MCTS1: variants seen among roughly 807,000 people sequenced by gnomAD.
The protein encoded by MCTS1 is MCTS1 re-initiation and release factor, also known as malignant T-cell-amplified sequence 1.
For missense variants in MCTS1, 55 were observed against 128.6 expected, an observed-to-expected ratio of 0.43 and a Z score of 2.77; for synonymous variants, 26 against 40.8, an observed-to-expected ratio of 0.64 and a Z score of 1.38.
In MCTS1 at chrX:120,605,626, A is replaced by T. The variant is rs1282247783; in HGVS notation, c.164+67A>T. The T allele has an allele frequency of 1.2e-5, 12 of 1,017,135 alleles. No homozygotes were observed. The Admixed American group carries it at 3.8e-4, about 32-fold the overall frequency. 83.8% of individuals were successfully genotyped at this position (1,017,135 alleles called of 1,213,427 possible). ...AATATTTAATGATTAGATTGCACTC[A>T]TACTAAATGGAATTATTTTCAGATT... On this transcript the variant is annotated intron_variant, in intron 2 of 5. Transcript: ENST00000371317.
At chrX:120,612,088 T>C in intron 5 of MCTS1, 95 bp from the exon 6 acceptor site, 1 of 670,752 alleles carries the variant, frequency 1.5e-6, no homozygotes, top group Non-Finnish European at 2.3e-6. Context: ...GGCTTAATAA[T>C]TAAAAAATAA....
Position 120,613,332 on chromosome X carries a change from G to A in MCTS1, c.*1068G>A, listed in dbSNP as rs756520647. 9.0e-5 allele frequency among the ~76,000 whole-genome samples: 10 copies of A among 111,489 alleles called. No individual in the cohort carries two copies. Among genetic ancestry groups the A allele is most frequent in the Non-Finnish European group, 1.9e-4 (10 of 53,117 alleles). On this transcript the variant is annotated 3_prime_UTR_variant, in exon 6 of 6. Transcript: ENST00000371317. Reference sequence around the variant, plus strand: ...ATAGGCATGAGTCACCATGCCTGGCGTCATAACTACTTTAGTGTGTATCTT... The same window carrying A: ...ATAGGCATGAGTCACCATGCCTGGCATCATAACTACTTTAGTGTGTATCTT...
chrX:120,607,402 C>T (rs1288032530), intron 3 of MCTS1, among the ~76,000 whole-genome samples: 1 of 111,319 alleles, frequency 9.0e-6, no homozygotes, highest in African/African-American at 3.3e-5. Context: ...ATTGTACTCT[C>T]GAATACTAGA....
chrX:120,608,431 A>G, intron 4 of MCTS1, 73 bp downstream of exon 4: 1 of 1,020,536 alleles, frequency 9.8e-7, no homozygotes, highest in Non-Finnish European at 1.3e-6. Flanking sequence ...AAGGTGTACC[A>G]TCCAAGAGAA....
In MCTS1 at chrX:120,609,329, C is replaced by T. The variant is rs1450004700; in HGVS notation, c.396+971C>T. On this transcript the variant is annotated intron_variant, in intron 4 of 5. Coordinates refer to ENST00000371317, the MANE Select transcript of MCTS1 (RefSeq NM_014060.3). ...CCTCGAGTAGCTGAGGTTACAGGCA[C>T]CCACTACCACGCCCGGCTCATTTTT... Among the ~76,000 whole-genome samples the T allele has an allele frequency of 8.1e-5, 9 of 110,678 alleles. No homozygotes were observed. In the Admixed American group the frequency reaches 8.7e-4, roughly 11 times the overall value.
Position 120,611,089 on chromosome X carries a change from CT to C in MCTS1, c.464+14del. ...GTCTGCAGAAGACATGTAAGTCTTA[CT>C]TTAGGCCCCCTTAACTTTTGATATA... On this transcript the variant is annotated intron_variant, in intron 5 of 5. Transcript: ENST00000371317. 1 of 1,204,608 alleles carries C rather than the reference CT, an allele frequency of 8.3e-7. No homozygotes were observed. The highest frequency in any genetic ancestry group is 3.0e-5 in the East Asian group (1 of 33,815).
At position 120,617,180 on chromosome X, in the gene MCTS1, T is replaced by TTTGTTG. The variant is rs199750166; in HGVS notation, c.*4937_*4942dup. On this transcript the variant is annotated 3_prime_UTR_variant, in exon 6 of 6. Transcript: ENST00000371317. ...AAATTAAACTCATCCAACTCATACA[T>TTTGTTG]TTGTTGTTGTTGTTGTTGTTGTTGT... 4.5e-5 allele frequency among the ~76,000 whole-genome samples: 5 copies of TTTGTTG among 111,421 alleles called. No individual in the cohort carries two copies. The highest frequency in any genetic ancestry group is 7.4e-4 in the South Asian group (2 of 2,692).
rs748882089 is a variant in MCTS1, at chrX:120,617,254, C to T, written c.*4990C>T. ...TTGCCCAGGCTGGAGTGCAATGGCA[C>T]GATCTCGGCTCACTGCAACCTCTGT... On this transcript the variant is annotated 3_prime_UTR_variant, in exon 6 of 6. Transcript: ENST00000371317. Among the ~76,000 whole-genome samples, 3 of 112,128 alleles carry T rather than the reference C, an allele frequency of 2.7e-5. No individual in the cohort carries two copies. Among genetic ancestry groups the T allele is most frequent in the South Asian group, 3.7e-4 (1 of 2,696 alleles).
In MCTS1 at chrX:120,620,176, T is replaced by C. The variant is rs1048038918; in HGVS notation, c.*7912T>C. ...ACAAAAAATTAACCGGACGCAGTGG[T>C]GGGCGCCTGTAGTCCCAGCTACTCG... On this transcript the variant is annotated 3_prime_UTR_variant, in exon 6 of 6. Coordinates refer to ENST00000371317, the MANE Select transcript of MCTS1 (RefSeq NM_014060.3). 6.4e-5 allele frequency among the ~76,000 whole-genome samples: 7 copies of C among 109,577 alleles called. No individual in the cohort carries two copies. The highest frequency in any genetic ancestry group is 1.3e-4 in the African/African-American group (4 of 30,015).
Position 120,617,439 on chromosome X carries a change from G to A in MCTS1, c.*5175G>A, listed in dbSNP as rs1045535083. On this transcript the variant is annotated 3_prime_UTR_variant, in exon 6 of 6. Transcript: ENST00000371317. ...ACTCCTGACCTCAGGTGATGCACCC[G>A]CCTTGGCCTCCCAAAGTGCTGGGAT... Among the ~76,000 whole-genome samples the A allele has an allele frequency of 8.1e-5, 9 of 111,570 alleles. No homozygotes were observed. Among genetic ancestry groups the A allele is most frequent in the African/African-American group, 2.3e-4 (7 of 30,685 alleles).
At chrX:120,604,388 C>CCTG in intron 1 of MCTS1, 141 bp downstream of exon 1, 1 of 771,754 alleles carries the variant, frequency 1.3e-6, no homozygotes, top group Non-Finnish European at 1.8e-6. Flanking sequence ...TAGTACTATG[C>CCTG]TCTCACTCCC....
chrX:120,608,376 A>G lies in MCTS1; in HGVS notation c.396+18A>G. On this transcript the variant is annotated intron_variant, in intron 4 of 5. Transcript: ENST00000371317. ...CCATTGTTGTATCCTTCCCAGGCTA[A>G]AACTGCTGAAAAATGTATTCATTGT... 1.7e-6 allele frequency: 2 copies of G among 1,161,151 alleles called. No individual in the cohort carries two copies. Among genetic ancestry groups the G allele is most frequent in the Non-Finnish European group, 2.3e-6 (2 of 866,193 alleles).
At position 120,621,125 on chromosome X, in the gene MCTS1, T is replaced by C. The variant is rs960821782; in HGVS notation, c.*8861T>C. 1.8e-5 allele frequency: 2 copies of C among 112,786 alleles called. No homozygotes were observed. The highest frequency in any genetic ancestry group is 6.4e-5 in the African/African-American group (2 of 31,060). 9.3% of individuals were successfully genotyped at this position (112,786 alleles called of 1,213,427 possible). On this transcript the variant is annotated 3_prime_UTR_variant, in exon 6 of 6. Transcript: ENST00000371317. ...TATTGAAATGATAATATTTTGGATA[T>C]GTTTGGGTTAAATAAAATATATTAC... is the stretch of plus-strand genomic sequence containing the variant.
intron 3 of MCTS1, among the ~76,000 whole-genome samples, chrX:120,606,895 T>C (rs188102643): frequency 1.8e-5 from 2 of 111,734 alleles, no homozygotes; most frequent in African/African-American, 6.5e-5. Flanking sequence ...TCTCTGTCCT[T>C]AAGAAACTAA....
At position 120,614,089 on chromosome X, in the gene MCTS1, A is replaced by G. The variant is rs151041897; in HGVS notation, c.*1825A>G. The stretch of plus-strand genomic sequence containing the variant: ...GTGAGGGTGGATAGCAAAAAGAGAG[A>G]GATCATTTGGCTGGCTGTTCCAGCT... On this transcript the variant is annotated 3_prime_UTR_variant, in exon 6 of 6. Coordinates refer to ENST00000371317, the MANE Select transcript of MCTS1 (RefSeq NM_014060.3). 6.1e-3 allele frequency among the ~76,000 whole-genome samples: 686 copies of G among 112,111 alleles called. 8 individuals carry two copies. The highest frequency in any genetic ancestry group is 0.021 in the African/African-American group (637 of 30,906).
chrX:120,612,689 G>GTGTA lies in MCTS1; in HGVS notation c.*428_*429insATGT, dbSNP rs1556284785. Among the ~76,000 whole-genome samples the GTGTA allele has an allele frequency of 5.2e-4, 13 of 25,182 alleles. No homozygotes were observed. Among genetic ancestry groups the GTGTA allele is most frequent in the African/African-American group, 3.6e-3 (11 of 3,015 alleles). 21.9% of individuals were successfully genotyped at this position (25,182 alleles called of 115,157 possible). ...TGTGTGTGTGTGTGTGTGTGTGTAT[G>GTGTA]TGTGTGTGTGTGTGTGTGTGTGTTT... On this transcript the variant is annotated 3_prime_UTR_variant, in exon 6 of 6. Coordinates refer to ENST00000371317, the MANE Select transcript of MCTS1 (RefSeq NM_014060.3).
intron 1 of MCTS1, chrX:120,604,518 T>C: frequency 1.7e-6 from 1 of 577,169 alleles, no homozygotes; most frequent in Non-Finnish European, 2.6e-6. Context: ...CAATTCTGTC[T>C]CCATTCCTAG....
intron 4 of MCTS1, 112 bp downstream of exon 4, chrX:120,608,470 G>A: frequency 2.4e-6 from 2 of 841,790 alleles, no homozygotes; most frequent in Non-Finnish European, 3.2e-6. Flanking sequence ...GAAGGTTACT[G>A]TTACTCTTAT....
intron 4 of MCTS1, chrX:120,608,567 AAGTT>A (rs1926600706): frequency 3.1e-6 from 1 of 324,355 alleles, no homozygotes; most frequent in East Asian, 5.7e-5. Context: ...CGTTTCTTAG[AAGTT>A]AAATGAGAAC....
Sources: allele counts gnomAD v4.1 joint callset (sites outside exome capture counted in the v4.1 genomes callset), GRCh38; gene constraint gnomAD v4.1.1; transcripts MANE v1.5; gene names NCBI Gene and HGNC (gene_info 2026-07-23, HGNC 2026-07-21).